Variants in AKAP13 observed in about 807,000 individuals in gnomAD.
AKAP13 encodes A-kinase anchoring protein 13, also known as A-kinase anchor protein 13.
In AKAP13, 80 loss-of-function variants were observed where a neutral mutation model predicts 264.5. The observed-to-expected ratio is 0.30, with a 90% CI of 0.25 to 0.36. The LOEUF (loss-of-function observed/expected upper bound fraction) is 0.36, where lower values mean the gene tolerates loss of function less well. Among genes scored for constraint, AKAP13 ranks in the 10% least tolerant of loss-of-function variants. The pLI, the probability that AKAP13 is intolerant of heterozygous loss-of-function variation, is 1.00. For missense variants in AKAP13, 3,712 were observed against 3,435.2 expected (o/e 1.08, Z -2.01); for synonymous variants, 1,380 against 1,250.2 (o/e 1.10, Z -2.19).
chr15:85,617,228 TTTG>T (rs764510632), intron 8 of AKAP13, among the ~76,000 whole-genome samples: 18 of 143,010 alleles, frequency 1.3e-4, no homozygotes, highest in South Asian at 2.2e-4. Flanking sequence ...GAAAAGCTTT[TTTG>T]TTGTTGTTGT....
chr15:85,698,789 C>T (rs574338383), intron 17 of AKAP13, among the ~76,000 whole-genome samples: 1 of 150,164 alleles, frequency 6.7e-6, no homozygotes, highest in East Asian at 2.0e-4. Flanking sequence ...ACTAAAAATA[C>T]AGAAATCAGC....
chr15:85,659,385 C>G (rs776024715), intron 12 of AKAP13, among the ~76,000 whole-genome samples: 3 of 152,058 alleles, frequency 2.0e-5, no homozygotes, highest in Non-Finnish European at 4.4e-5. Flanking sequence ...TTAGCTGAAC[C>G]TGTTTGTTGG....
chr15:85,506,411 T>C (rs530807691), intron 2 of AKAP13, among the ~76,000 whole-genome samples: 1 of 152,290 alleles, frequency 6.6e-6, no homozygotes, highest in African/African-American at 2.4e-5. Context: ...GATGTAGCAT[T>C]GAATAAAACA....
At chr15:85,735,511 A>T (rs770130288) in intron 31 of AKAP13, 49 bp from the exon 32 acceptor site, 2 of 1,564,786 alleles carry the variant, frequency 1.3e-6, no homozygotes, top group African/African-American at 1.4e-5. Context: ...TTCCTTGGCT[A>T]ATCTGTTTCA....
chr15:85,680,942 C>T (rs542684128), intron 14 of AKAP13, among the ~76,000 whole-genome samples: 10 of 152,210 alleles, frequency 6.6e-5, no homozygotes, highest in African/African-American at 2.4e-4. Context: ...CTCAGCCTCC[C>T]GAGTAGCTGG....
At chr15:85,684,998 A>G (rs1490152770) in intron 16 of AKAP13, 125 bp downstream of exon 16, 2 of 1,201,050 alleles carry the variant, frequency 1.7e-6, no homozygotes, top group African/African-American at 1.5e-5. Context: ...TACTCTCCGA[A>G]ATCGCCTAAT....
At chr15:85,585,188 C>G (rs542781472) in intron 7 of AKAP13, among the ~76,000 whole-genome samples, 7 of 152,168 alleles carry the variant, frequency 4.6e-5, no homozygotes, top group Non-Finnish European at 7.4e-5. Flanking sequence ...GTAGTTCATT[C>G]TTACTGGTTA....
intron 1 of AKAP13, among the ~76,000 whole-genome samples, chr15:85,456,817 T>C (rs1421156995): frequency 6.6e-6 from 1 of 152,164 alleles, no homozygotes; most frequent in African/African-American, 2.4e-5. Context: ...AGCTTTTCTC[T>C]CCAACATGGG....
At chr15:85,409,332 A>G (rs1233245112) in intron 1 of AKAP13, among the ~76,000 whole-genome samples, 3 of 151,294 alleles carry the variant, frequency 2.0e-5, no homozygotes, top group Non-Finnish European at 2.9e-5. Context: ...GTGCACCACC[A>G]CACCCAGCTA....
intron 14 of AKAP13, among the ~76,000 whole-genome samples, chr15:85,675,454 A>G (rs1163113981): frequency 6.6e-6 from 1 of 152,216 alleles, no homozygotes; most frequent in Non-Finnish European, 1.5e-5. Context: ...CATTTAGGAC[A>G]TTGAGATTCC....
intron 26 of AKAP13, among the ~76,000 whole-genome samples, chr15:85,725,354 A>T (rs1182404844): frequency 6.6e-6 from 1 of 152,000 alleles, no homozygotes; most frequent in Non-Finnish European, 1.5e-5. Flanking sequence ...AGATTCAATG[A>T]AGTTAAAATG....
chr15:85,455,294 G>A (rs915265689), intron 1 of AKAP13, among the ~76,000 whole-genome samples: 6 of 151,930 alleles, frequency 3.9e-5, no homozygotes, highest in African/African-American at 1.2e-4. Flanking sequence ...AAGAGTTGGC[G>A]TTGCCTGTAC....
chr15:85,615,411 A>G (rs1206956695), intron 8 of AKAP13, among the ~76,000 whole-genome samples: 1 of 141,872 alleles, frequency 7.0e-6, no homozygotes, highest in Non-Finnish European at 1.5e-5. Flanking sequence ...GCCATAGTAC[A>G]AGGAAAGCCT....
chr15:85,394,447 C>A (rs2071018066), intron 1 of AKAP13, among the ~76,000 whole-genome samples: 1 of 152,172 alleles, frequency 6.6e-6, no homozygotes, highest in African/African-American at 2.4e-5. Flanking sequence ...TCCCTTTGAG[C>A]ATTTTGAAGG....
At chr15:85,427,751 GTC>G (rs2072860641) in intron 1 of AKAP13, among the ~76,000 whole-genome samples, 1 of 151,220 alleles carries the variant, frequency 6.6e-6, no homozygotes, top group African/African-American at 2.4e-5. Flanking sequence ...GATGAAGGAA[GTC>G]TTGGTTTAAG....
Position 85,645,658 on chromosome 15 carries a change from CT to C in AKAP13, c.4238-158del, listed in dbSNP as rs377381756. On this transcript the variant is annotated intron_variant, in intron 9 of 36. Coordinates refer to ENST00000394518, the MANE Select transcript of AKAP13 (RefSeq NM_007200.5). ...ATTTGACTGTGTCCTTTTATAGCTTCTTAATTTTGAAAAAAAGAAATAAGGA... is the reference window on the plus strand; with the variant it reads ...ATTTGACTGTGTCCTTTTATAGCTTCTAATTTTGAAAAAAAGAAATAAGGA... Among the ~76,000 whole-genome samples the C allele has an allele frequency of 3.2e-4, 49 of 151,254 alleles. No individual in the cohort carries two copies. In the South Asian group the frequency reaches 7.5e-3, roughly 23 times the overall value.
chr15:85,520,441 T>A (rs966082763), intron 2 of AKAP13, among the ~76,000 whole-genome samples: 19 of 136,778 alleles, frequency 1.4e-4, no homozygotes, highest in Non-Finnish European at 2.7e-4. Flanking sequence ...GAGGTTGCAG[T>A]GAGCTGAGAT....
Position 85,521,411 on chromosome 15 carries a change from A to G in AKAP13, c.34-17A>G, listed in dbSNP as rs201838359. Reference sequence around the variant, plus strand: ...AACCTTACTAATGTAAACTTGCTATATTGTTTCCTTTCCTAGGGTGATTGT... The same window carrying G: ...AACCTTACTAATGTAAACTTGCTATGTTGTTTCCTTTCCTAGGGTGATTGT... On this transcript the variant is annotated splice_polypyrimidine_tract_variant and intron_variant, in intron 2 of 36. Coordinates refer to ENST00000394518, the MANE Select transcript of AKAP13 (RefSeq NM_007200.5). 2.5e-6 allele frequency: 4 copies of G among 1,613,012 alleles called. No homozygotes were observed. The highest frequency in any genetic ancestry group is 3.4e-6 in the Non-Finnish European group (4 of 1,179,488).
chr15:85,445,073 A>G (rs1034894572), intron 1 of AKAP13, among the ~76,000 whole-genome samples: 2 of 152,178 alleles, frequency 1.3e-5, no homozygotes, highest in Middle Eastern at 3.2e-3. Context: ...TATTCAGTCA[A>G]AAAGCCCTTA....
Sources: gnomAD v4.1 joint callset for allele counts (sites outside exome capture counted in the v4.1 genomes callset) on GRCh38, gnomAD v4.1.1 for gene constraint, MANE v1.5 for transcripts, NCBI Gene and HGNC (gene_info 2026-07-23, HGNC 2026-07-21) for gene names.